CCDC91: variants seen among roughly 807,000 people sequenced by gnomAD.
CCDC91 encodes coiled-coil domain-containing protein 91.
CCDC91 carries 48 observed loss-of-function variants against 63.2 expected under a neutral mutation model. The ratio of observed to expected loss-of-function variants is 0.76; its 90% CI spans 0.60 to 0.97. CCDC91 has a LOEUF of 0.97. CCDC91 is among the 50% of genes least tolerant of loss of function. The pLI is 0.00. For synonymous variants in CCDC91, 167 were observed against 165.8 expected, an observed-to-expected ratio of 1.01 and a Z score of -0.06; for missense variants, 500 against 494.6, an observed-to-expected ratio of 1.01 and a Z score of -0.10.
intron 12 of CCDC91, among the ~76,000 whole-genome samples, chr12:28,540,420 C>T (rs550155991): frequency 6.6e-6 from 1 of 152,208 alleles, no homozygotes; most frequent in South Asian, 2.1e-4. Context: ...GGCACCTTGA[C>T]AGGTTTTTGC....
intron 12 of CCDC91, among the ~76,000 whole-genome samples, chr12:28,512,006 T>C (rs1403332725): frequency 6.6e-6 from 1 of 151,904 alleles, no homozygotes; most frequent in Non-Finnish European, 1.5e-5. Flanking sequence ...AAAACACACA[T>C]GTATATGACT....
At chr12:28,271,828 A>AT (rs1947784923) in intron 3 of CCDC91, among the ~76,000 whole-genome samples, 1 of 150,650 alleles carries the variant, frequency 6.6e-6, no homozygotes, top group Non-Finnish European at 1.5e-5. Context: ...ATTGTGTAGC[A>AT]TTTTAAATGT....
chr12:28,352,173 C>G (rs1363371297), intron 6 of CCDC91, among the ~76,000 whole-genome samples: 1 of 152,174 alleles, frequency 6.6e-6, no homozygotes, highest in Non-Finnish European at 1.5e-5. Flanking sequence ...TAAAAATCAC[C>G]TGAGCTTTCA....
chr12:28,543,617 C>T (rs117098985), intron 12 of CCDC91, among the ~76,000 whole-genome samples: 1,678 of 152,032 alleles, frequency 0.011, 17 homozygotes, highest in South Asian at 0.024. Context: ...ACTTTCATTC[C>T]CTAAATATTT....
At chr12:28,302,312 T>G (rs1938162273) in intron 3 of CCDC91, among the ~76,000 whole-genome samples, 1 of 151,984 alleles carries the variant, frequency 6.6e-6, no homozygotes. Context: ...AAGCTTGTTT[T>G]GAATGTTGCC....
intron 7 of CCDC91, among the ~76,000 whole-genome samples, chr12:28,372,288 CT>C (rs1306080811): frequency 5.3e-5 from 8 of 151,882 alleles, no homozygotes; most frequent in Admixed American, 4.6e-4. Flanking sequence ...CAGATTTGTT[CT>C]TTTTGCTTAG....
chr12:28,208,765 G>C (rs1447521963), intron 1 of CCDC91, among the ~76,000 whole-genome samples: 2 of 152,062 alleles, frequency 1.3e-5, no homozygotes, highest in African/African-American at 4.8e-5. Context: ...CTTTTTGGTA[G>C]TTTATTCAAA....
intron 12 of CCDC91, among the ~76,000 whole-genome samples, chr12:28,524,490 G>T (rs1941070142): frequency 6.6e-6 from 1 of 152,068 alleles, no homozygotes; most frequent in South Asian, 2.1e-4. Flanking sequence ...TATGTTGTTG[G>T]ATTCAGTTAG....
In CCDC91 at chr12:28,437,766, A is replaced by C. The variant is rs1179559538; in HGVS notation, c.763-12395A>C. On this transcript the variant is annotated intron_variant, in intron 8 of 12. Transcript: ENST00000536442. The stretch of plus-strand genomic sequence containing the variant: ...TTTCATTTTCCTTTTTTTTTAACAA[A>C]ATAATTTGGGTAAAATTCAATGTTC... Among the ~76,000 whole-genome samples the C allele has an allele frequency of 1.1e-4, 17 of 152,174 alleles. No individual in the cohort carries two copies. In the East Asian group the frequency reaches 3.3e-3, roughly 29 times the overall value.
chr12:28,204,888 T>G (rs1942728939), intron 1 of CCDC91, among the ~76,000 whole-genome samples: 1 of 152,172 alleles, frequency 6.6e-6, no homozygotes, highest in Non-Finnish European at 1.5e-5. Context: ...TATACGCAAT[T>G]ATAGGAATTT....
At position 28,484,238 on chromosome 12, in the gene CCDC91, A is replaced by G. The variant is rs1326808986; in HGVS notation, c.1215+73A>G. 6 of 712,314 alleles carry G rather than the reference A, an allele frequency of 8.4e-6. No individual in the cohort carries two copies. In the East Asian group the frequency reaches 1.5e-4, roughly 17 times the overall value. 44.1% of individuals were successfully genotyped at this position (712,314 alleles called of 1,614,324 possible). On this transcript the variant is annotated intron_variant, in intron 12 of 12. Coordinates refer to ENST00000536442, the MANE Select transcript of CCDC91 (RefSeq NM_018318.5). The stretch of plus-strand genomic sequence containing the variant: ...CAGTGACTTCCATACAATAACATGA[A>G]ATTGTAAAATATTTAAAATGTCCTG...
At chr12:28,217,488 G>A (rs1943640607) in intron 1 of CCDC91, among the ~76,000 whole-genome samples, 1 of 152,068 alleles carries the variant, frequency 6.6e-6, no homozygotes. Flanking sequence ...AGAAGTTGAA[G>A]TCAGTAAGTG....
At chr12:28,464,762 T>G (rs1950470500) in intron 11 of CCDC91, among the ~76,000 whole-genome samples, 1 of 152,000 alleles carries the variant, frequency 6.6e-6, no homozygotes, top group Admixed American at 6.6e-5. Context: ...GCTCAGTACA[T>G]TCCCAGCTGT....
chr12:28,255,018 C>T (rs1034471114), intron 1 of CCDC91, among the ~76,000 whole-genome samples: 11 of 152,032 alleles, frequency 7.2e-5, no homozygotes, highest in Admixed American at 2.6e-4. Context: ...TCAGGTGATC[C>T]GCCTACCTCA....
At chr12:28,387,456 G>T (rs902597697) in intron 7 of CCDC91, among the ~76,000 whole-genome samples, 2 of 152,084 alleles carry the variant, frequency 1.3e-5, no homozygotes, top group Non-Finnish European at 2.9e-5. Context: ...AAGTTCTTTC[G>T]TGGTGATTTG....
At chr12:28,371,751 T>C (rs1426030418) in intron 7 of CCDC91, among the ~76,000 whole-genome samples, 1 of 152,208 alleles carries the variant, frequency 6.6e-6, no homozygotes, top group Non-Finnish European at 1.5e-5. Flanking sequence ...GGCCACATTT[T>C]TGTATCTGCA....
At chr12:28,480,581 A>C (rs1044673638) in intron 11 of CCDC91, among the ~76,000 whole-genome samples, 1 of 151,972 alleles carries the variant, frequency 6.6e-6, no homozygotes, top group Non-Finnish European at 1.5e-5. Context: ...CCAGCATAAC[A>C]TGTGTATCTC....
chr12:28,447,315 T>C (rs1224616859), intron 8 of CCDC91, among the ~76,000 whole-genome samples: 1 of 152,076 alleles, frequency 6.6e-6, no homozygotes, highest in Admixed American at 6.5e-5. Flanking sequence ...ATACTACTTA[T>C]ATATAAATTC....
chr12:28,437,206 T>C (rs1948956828), intron 8 of CCDC91, among the ~76,000 whole-genome samples: 1 of 152,008 alleles, frequency 6.6e-6, no homozygotes, highest in Non-Finnish European at 1.5e-5. Flanking sequence ...TTATTTTGCA[T>C]AGTTACAATG....
Sources: gnomAD v4.1 joint callset for allele counts (sites outside exome capture counted in the v4.1 genomes callset) on GRCh38, gnomAD v4.1.1 for gene constraint, MANE v1.5 for transcripts, NCBI Gene and HGNC (gene_info 2026-07-23, HGNC 2026-07-21) for gene names.